The following SCFD2 variants were observed in gnomAD, a reference collection of about 807,000 sequenced individuals.
SCFD2 encodes the protein sec1 family domain containing 2, also known as sec1 family domain-containing protein 2.
SCFD2 carries 54 observed loss-of-function variants against 58.9 expected under a neutral mutation model. The ratio of observed to expected loss-of-function variants is 0.92; its 90% CI spans 0.74 to 1.15. The LOEUF is 1.15. SCFD2 is among the 50% of genes most tolerant of loss of function. SCFD2 has a pLI of 0.00. For missense variants in SCFD2, 805 were observed against 836.6 expected, an observed-to-expected ratio of 0.96 and a Z score of 0.47; for synonymous variants, 321 against 335.9, an observed-to-expected ratio of 0.96 and a Z score of 0.49.
intron 7 of SCFD2, among the ~76,000 whole-genome samples, chr4:52,905,040 A>T (rs994685427): frequency 6.6e-6 from 1 of 152,254 alleles, no homozygotes; most frequent in East Asian, 1.9e-4. Flanking sequence ...ACCGTGATAC[A>T]CACTGATCAC....
intron 4 of SCFD2, among the ~76,000 whole-genome samples, chr4:53,246,097 T>G (rs1730061325): frequency 6.6e-6 from 1 of 152,090 alleles, no homozygotes; most frequent in African/African-American, 2.4e-5. Context: ...CATTTACAAC[T>G]GCCACAAAAA....
chr4:52,886,484 C>T (rs1288134905), intron 7 of SCFD2, among the ~76,000 whole-genome samples: 1 of 152,252 alleles, frequency 6.6e-6, no homozygotes, highest in Non-Finnish European at 1.5e-5. Context: ...TGAGCTATAA[C>T]ATGGGTGAGC....
At chr4:52,966,031 A>T (rs957986740) in intron 5 of SCFD2, among the ~76,000 whole-genome samples, 1 of 152,198 alleles carries the variant, frequency 6.6e-6, no homozygotes. Context: ...AGAATTAAAA[A>T]TGGCACGATC....
chr4:53,134,159 T>C (rs1725870802), intron 5 of SCFD2, among the ~76,000 whole-genome samples: 3 of 152,288 alleles, frequency 2.0e-5, no homozygotes, highest in South Asian at 2.1e-4. Flanking sequence ...GAAATGATGG[T>C]TACCCAGGGC....
chr4:53,245,830 A>T (rs565086317), intron 4 of SCFD2, among the ~76,000 whole-genome samples: 1 of 152,298 alleles, frequency 6.6e-6, no homozygotes, highest in South Asian at 2.1e-4. Flanking sequence ...TATTCAACAT[A>T]GTATTGGAAG....
At chr4:53,298,313 C>T (rs1732124884) in intron 3 of SCFD2, among the ~76,000 whole-genome samples, 1 of 152,190 alleles carries the variant, frequency 6.6e-6, no homozygotes, top group South Asian at 2.1e-4. Context: ...GCACCTGGCT[C>T]AGAGGGTCCT....
chr4:53,314,982 G>C (rs1194932410), intron 2 of SCFD2, among the ~76,000 whole-genome samples: 1 of 152,098 alleles, frequency 6.6e-6, no homozygotes, highest in Non-Finnish European at 1.5e-5. Context: ...CCCTGTATTT[G>C]GTTGGGATAC....
intron 5 of SCFD2, among the ~76,000 whole-genome samples, chr4:53,128,167 A>G (rs565160266): frequency 6.6e-6 from 1 of 152,120 alleles, no homozygotes; most frequent in South Asian, 2.1e-4. Context: ...CTCAAGAAAA[A>G]ACGTAAAGAT....
At chr4:53,152,550 G>T (rs11737255) in intron 4 of SCFD2, among the ~76,000 whole-genome samples, 1 of 151,930 alleles carries the variant, frequency 6.6e-6, no homozygotes, top group Admixed American at 6.6e-5. Context: ...AGGTATAGGG[G>T]TTTCAATATG....
Position 53,365,570 on chromosome 4 carries a change from G to C in SCFD2, c.372C>G (p.Ala124=). The C allele has an allele frequency of 6.2e-7, 1 of 1,613,940 alleles. No homozygotes were observed. The highest frequency in any genetic ancestry group is 1.3e-5 in the African/African-American group (1 of 75,036). ...TANHVPAAAA[A]EMEGQQPVFE... is the part of the protein sequence containing the mutation. ...ACACCGGCTGCTGCCCCTCCATCTC[G>C]GCCGCTGCCGCCGCTGGGACATGAT... The change falls in exon 1 of 9, where the codon GCC becomes GCG. Residue 124 remains alanine, a synonymous_variant. Transcript: ENST00000401642. The surrounding 1 kb of genome is among the most constrained non-coding windows in gnomAD (Gnocchi z 4.3).
chr4:52,890,833 G>A (rs2898681), intron 7 of SCFD2, among the ~76,000 whole-genome samples: 31,168 of 151,926 alleles, frequency 0.21, 3,269 homozygotes, highest in East Asian at 0.27. Flanking sequence ...GTTGATTGTC[G>A]TCTATCACTG....
At chr4:53,304,375 T>G (rs1732444608) in intron 3 of SCFD2, among the ~76,000 whole-genome samples, 2 of 152,118 alleles carry the variant, frequency 1.3e-5, no homozygotes, top group Admixed American at 1.3e-4. Flanking sequence ...CGTTGGCCTG[T>G]CTTGCTAGGT....
At chr4:53,014,475 A>T (rs1722165892) in intron 5 of SCFD2, among the ~76,000 whole-genome samples, 1 of 152,244 alleles carries the variant, frequency 6.6e-6, no homozygotes, top group Non-Finnish European at 1.5e-5. Context: ...CCTGTCATCC[A>T]AGACACTATT....
Position 53,119,943 on chromosome 4 carries a change from T to C in SCFD2, c.1561+25390A>G, listed in dbSNP as rs1047598055. On this transcript the variant is annotated intron_variant, in intron 5 of 8. Transcript: ENST00000401642. The stretch of plus-strand genomic sequence containing the variant: ...AAAAGTAATTACTGCAGGAAGATAA[T>C]TACCTTCCCTCAAACAGGCCTCCTC... Among the ~76,000 whole-genome samples the C allele has an allele frequency of 3.3e-5, 5 of 152,224 alleles. 1 individual carries two copies. Among genetic ancestry groups the C allele is most frequent in the East Asian group, 3.9e-4 (2 of 5,168 alleles).
chr4:53,147,078 CAT>C (rs920593463), intron 4 of SCFD2, among the ~76,000 whole-genome samples: 24 of 152,124 alleles, frequency 1.6e-4, no homozygotes, highest in African/African-American at 5.6e-4. Flanking sequence ...AATATGCACA[CAT>C]AGTTTGGGGC....
chr4:53,125,821 G>A (rs1725611008), intron 5 of SCFD2, among the ~76,000 whole-genome samples: 1 of 152,216 alleles, frequency 6.6e-6, no homozygotes, highest in Admixed American at 6.5e-5. Flanking sequence ...TCACTAAAGG[G>A]AGGGGGTAGA....
At chr4:52,912,179 A>G (rs1376402113) in intron 6 of SCFD2, among the ~76,000 whole-genome samples, 1 of 152,210 alleles carries the variant, frequency 6.6e-6, no homozygotes, top group Non-Finnish European at 1.5e-5. Flanking sequence ...AAACAGGTAC[A>G]GATATTAACA....
chr4:53,033,924 A>C (rs563862884), intron 5 of SCFD2, among the ~76,000 whole-genome samples: 2 of 152,336 alleles, frequency 1.3e-5, no homozygotes, highest in African/African-American at 2.4e-5. Context: ...AACTATTCCA[A>C]GCAACAGAAA....
intron 4 of SCFD2, among the ~76,000 whole-genome samples, chr4:53,223,614 CAT>C (rs1268211352): frequency 6.6e-6 from 1 of 152,216 alleles, no homozygotes; most frequent in Non-Finnish European, 1.5e-5. Flanking sequence ...TCCTTCAAAA[CAT>C]AGTCTCACGG....
Sources: allele counts gnomAD v4.1 joint callset (sites outside exome capture counted in the v4.1 genomes callset), GRCh38; gene constraint gnomAD v4.1.1; non-coding constraint Gnocchi (gnomAD v3.1); transcripts MANE v1.5; gene names NCBI Gene and HGNC (gene_info 2026-07-23, HGNC 2026-07-21).